The following IGSF10 variants were observed in gnomAD, a reference collection of about 807,000 sequenced individuals.
IGSF10 encodes immunoglobulin superfamily member 10.
In IGSF10, 126 loss-of-function variants were observed where a neutral mutation model predicts 128.2. The observed-to-expected ratio is 0.98, with a 90% CI of 0.85 to 1.14. The LOEUF is 1.14. Among genes scored for constraint, IGSF10 ranks in the 50% most tolerant of loss-of-function variants. IGSF10 has a pLI of 0.00. For missense variants in IGSF10, 3,295 were observed against 3,149.8 expected, an observed-to-expected ratio of 1.05 and a Z score of -1.10; for synonymous variants, 1,185 against 1,146.2, an observed-to-expected ratio of 1.03 and a Z score of -0.68.
the IGSF10 span, among the ~76,000 whole-genome samples, chr3:151,560,563 CT>C: frequency 6.6e-6 from 1 of 152,132 alleles, no homozygotes; most frequent in African/African-American, 2.4e-5. Context: ...TTTCCCACCC[CT>C]ATAACGTCTT....
the IGSF10 span, among the ~76,000 whole-genome samples, chr3:151,589,027 CAA>C: frequency 6.6e-6 from 1 of 151,898 alleles, no homozygotes; most frequent in African/African-American, 2.4e-5. Context: ...GAAATCATAA[CAA>C]AACTTTTCAT....
intron 7 of IGSF10, among the ~76,000 whole-genome samples, 178 bp from the exon 8 acceptor site, chr3:151,438,775 G>C (rs1720637793): frequency 6.7e-6 from 1 of 150,252 alleles, no homozygotes; most frequent in Non-Finnish European, 1.5e-5. Context: ...TGAGGTGTGT[G>C]TGTATATATA....
At chr3:151,580,185 A>T in the IGSF10 span, among the ~76,000 whole-genome samples, 15 of 152,252 alleles carry the variant, frequency 9.9e-5, no homozygotes, top group East Asian at 2.9e-3. Flanking sequence ...CTCTACAAAA[A>T]ATTGAAAAAA....
chr3:151,605,078 T>G, the IGSF10 span, among the ~76,000 whole-genome samples: 2 of 152,294 alleles, frequency 1.3e-5, no homozygotes, highest in East Asian at 1.9e-4. Flanking sequence ...CTAGACAGCA[T>G]TCAGCCTACG....
rs865803603 is a variant in IGSF10, at chr3:151,447,920, A to G, written c.2061T>C (p.Ile687=). The part of the protein sequence containing the change: ...EGSGLDESNP[I]AHLKEPPGAQ... ...CACCTGGTGGCTCCTTAAGATGAGC[A>G]ATAGGATTGGACTCATCAAGTCCAG... Residue 687 remains isoleucine (I), a synonymous_variant, in exon 6 of 8, where the codon ATT becomes ATC. Transcript: ENST00000282466. 4 of 1,614,018 alleles carry G rather than the reference A, an allele frequency of 2.5e-6. No individual in the cohort carries two copies. The highest frequency in any genetic ancestry group is 2.7e-5 in the African/African-American group (2 of 74,912).
the IGSF10 span, among the ~76,000 whole-genome samples, chr3:151,523,393 C>T: frequency 2.0e-5 from 3 of 152,120 alleles, no homozygotes. Context: ...AAGCTGGAGA[C>T]ATAACGTTAC....
the IGSF10 span, among the ~76,000 whole-genome samples, chr3:151,561,976 T>C: frequency 6.6e-6 from 1 of 152,196 alleles, no homozygotes; most frequent in African/African-American, 2.4e-5. Flanking sequence ...TATCTTTTTC[T>C]TTTATCAGAG....
chr3:151,442,364 TATTTATAC>T (rs1560173718), intron 7 of IGSF10, among the ~76,000 whole-genome samples: 1 of 148,488 alleles, frequency 6.7e-6, no homozygotes, highest in African/African-American at 2.5e-5. Flanking sequence ...AGTGTGAATA[TATTTATAC>T]AATTACTATT....
the IGSF10 span, among the ~76,000 whole-genome samples, chr3:151,506,143 C>T: frequency 2.6e-5 from 4 of 152,080 alleles, no homozygotes; most frequent in East Asian, 3.8e-4. Flanking sequence ...TCAGTAGAGA[C>T]GGGGTTTCAC....
chr3:151,435,994 A>G (rs1254616329), downstream of IGSF10: 2 of 152,202 alleles, frequency 1.3e-5, no homozygotes, highest in Admixed American at 1.3e-4. Flanking sequence ...GTTTCATTGT[A>G]TTTTTAAAAC....
chr3:151,571,134 G>C, the IGSF10 span, among the ~76,000 whole-genome samples: 43 of 152,184 alleles, frequency 2.8e-4, no homozygotes, highest in South Asian at 4.2e-4. Context: ...GTTACTGTAG[G>C]CTTGTAGTAT....
the IGSF10 span, among the ~76,000 whole-genome samples, chr3:151,552,038 AGGGATCTGGT>A: frequency 3.9e-5 from 6 of 152,074 alleles, no homozygotes; most frequent in East Asian, 1.2e-3. Flanking sequence ...GTGTTTGCGG[AGGGATCTGGT>A]GGGAGGTGAT....
the IGSF10 span, among the ~76,000 whole-genome samples, chr3:151,515,722 CGTGTGTGTGTGT>C: frequency 7.5e-5 from 11 of 147,096 alleles, no homozygotes; most frequent in Non-Finnish European, 1.2e-4. Flanking sequence ...AATTATATTA[CGTGTGTGTGTGT>C]GTGTGTGTGT....
the IGSF10 span, among the ~76,000 whole-genome samples, chr3:151,476,984 A>T: frequency 6.6e-6 from 1 of 152,158 alleles, no homozygotes; most frequent in Non-Finnish European, 1.5e-5. Context: ...TTATGGGCAA[A>T]ACATACACAG....
In IGSF10 at chr3:151,443,856, A is replaced by C; in HGVS notation, c.5091T>G (p.Asn1697Lys). 1 of 1,608,818 alleles carries C rather than the reference A, an allele frequency of 6.2e-7. No individual in the cohort carries two copies. Among genetic ancestry groups the C allele is most frequent in the South Asian group, 1.1e-5 (1 of 90,808 alleles). Residue 1697 changes from asparagine (N) to lysine (K), a missense_variant, in exon 7 of 8, where the codon AAT (asparagine) becomes AAG (lysine). Physicochemically the swap from Asn to Lys is moderately conservative, Grantham distance 94. Transcript: ENST00000282466. ...SGLDLSKRKQ[N>K]SRVQVLPNGT... ...CATTGGGGAGAACCTGGACCCTGCTATTCTGTTTCCTCTTAGATAAATCAA... is the reference window on the plus strand; with the variant it reads ...CATTGGGGAGAACCTGGACCCTGCTCTTCTGTTTCCTCTTAGATAAATCAA...
chr3:151,583,203 T>A, the IGSF10 span, among the ~76,000 whole-genome samples: 1 of 152,064 alleles, frequency 6.6e-6, no homozygotes, highest in African/African-American at 2.4e-5. Context: ...TCTTTCTTAT[T>A]CTTATATTTA....
chr3:151,553,035 T>C, the IGSF10 span, among the ~76,000 whole-genome samples: 1 of 152,126 alleles, frequency 6.6e-6, no homozygotes, highest in Non-Finnish European at 1.5e-5. Flanking sequence ...AAAAAATACA[T>C]GCAAAGCTAT....
chr3:151,516,438 C>T, the IGSF10 span, among the ~76,000 whole-genome samples: 75 of 152,124 alleles, frequency 4.9e-4, no homozygotes, highest in African/African-American at 1.7e-3. Context: ...TATACTTTAA[C>T]CTGTGAAGGA....
chr3:151,439,899 C>T (rs879335844), intron 7 of IGSF10, among the ~76,000 whole-genome samples: 2 of 152,162 alleles, frequency 1.3e-5, no homozygotes, highest in Non-Finnish European at 2.9e-5. Context: ...TATGAGAAAA[C>T]GTCTTTCTTA....
Sources: allele counts gnomAD v4.1 joint callset (sites outside exome capture counted in the v4.1 genomes callset), GRCh38; gene constraint gnomAD v4.1.1; transcripts MANE v1.5; gene names NCBI Gene and HGNC (gene_info 2026-07-23, HGNC 2026-07-21).